The following TTC21B variants were observed in gnomAD, a reference collection of about 807,000 sequenced individuals.
TTC21B encodes the protein tetratricopeptide repeat protein 21B.
A neutral mutation model predicts 175.1 loss-of-function variants in TTC21B; 127 were observed. The ratio of observed to expected loss-of-function variants is 0.73; its 90% CI spans 0.63 to 0.84. TTC21B has a LOEUF of 0.84. Ranked by LOEUF, TTC21B falls within the 40% of genes least tolerant of loss-of-function variation. The pLI, the probability that TTC21B is intolerant of heterozygous loss-of-function variation, is 0.00. For synonymous variants in TTC21B, 524 were observed against 524.5 expected, an observed-to-expected ratio of 1.00 and a Z score of 0.01; for missense variants, 1,561 against 1,558.3, an observed-to-expected ratio of 1.00 and a Z score of -0.03.
chr2:165,903,744 A>G (rs572218712), intron 19 of TTC21B, among the ~76,000 whole-genome samples: 4 of 152,358 alleles, frequency 2.6e-5, no homozygotes, highest in Non-Finnish European at 5.9e-5. Context: ...AATGTTTAGC[A>G]ACTTTGCAAA....
Position 165,874,807 on chromosome 2 carries a change from G to T in TTC21B, c.3899C>A (p.Pro1300Gln). The change falls in exon 29 of 29, where the codon CCA (proline) becomes CAA (glutamine). Residue 1300 changes from proline to glutamine, a missense_variant. By Grantham distance (76) the Pro-to-Gln change is moderately conservative. Coordinates refer to ENST00000243344, the MANE Select transcript of TTC21B (RefSeq NM_024753.5). ...ATCAAGTATATCCTTTCTGATTTTT[G>T]GATAAGTTGGATGTGCTTCAAGAAC... ...HQVLEAHPTY[P>Q]KIRKDILDKA... is the part of the protein sequence containing the mutation. 6.2e-7 allele frequency: 1 copy of T among 1,613,652 alleles called. No individual in the cohort carries two copies. The highest frequency in any genetic ancestry group is 2.2e-5 in the East Asian group (1 of 44,772).
At chr2:165,896,742 C>A (rs1350673522) in intron 22 of TTC21B, among the ~76,000 whole-genome samples, 3 of 152,194 alleles carry the variant, frequency 2.0e-5, no homozygotes, top group South Asian at 2.1e-4. Context: ...TTGGCTTGGG[C>A]TTTTGCCTAC....
At chr2:165,936,372 A>C (rs562854777) in intron 6 of TTC21B, among the ~76,000 whole-genome samples, 1 of 152,138 alleles carries the variant, frequency 6.6e-6, no homozygotes, top group Non-Finnish European at 1.5e-5. Context: ...AAGATAATAC[A>C]GGAGAAAATC....
At chr2:165,926,872 C>T (rs972628434) in intron 11 of TTC21B, among the ~76,000 whole-genome samples, 2 of 150,998 alleles carry the variant, frequency 1.3e-5, no homozygotes, top group East Asian at 2.0e-4. Flanking sequence ...CTTTGGGACT[C>T]GGACTGGCTT....
rs191964864 is a variant in TTC21B, at chr2:165,935,721, C to T, written c.711-2664G>A. Among the ~76,000 whole-genome samples the T allele has an allele frequency of 5.3e-4, 80 of 152,172 alleles. 1 individual carries two copies. The highest frequency in any genetic ancestry group is 1.7e-3 in the African/African-American group (70 of 41,536). ...ACACAATAACATTTACATTAGCACT[C>T]CTTAAAGTAAAATACTTAGGTACAT... On this transcript the variant is annotated intron_variant, in intron 6 of 28. Transcript: ENST00000243344.
At chr2:165,917,167 C>T (rs1048262965) in intron 14 of TTC21B, 90 bp downstream of exon 14, 1 of 1,268,936 alleles carries the variant, frequency 7.9e-7, no homozygotes, top group African/African-American at 1.5e-5. Context: ...GTGTGAGCCA[C>T]CATGCCTGGG....
At chr2:165,901,454 G>C (rs1685555582) in intron 20 of TTC21B, among the ~76,000 whole-genome samples, 1 of 151,988 alleles carries the variant, frequency 6.6e-6, no homozygotes, top group African/African-American at 2.4e-5. Context: ...CCAAGTAGCT[G>C]GGATTACAGG....
At chr2:165,891,171 A>G (rs1574071762) in intron 22 of TTC21B, among the ~76,000 whole-genome samples, 183 bp from the exon 23 acceptor site, 1 of 152,208 alleles carries the variant, frequency 6.6e-6, no homozygotes, top group South Asian at 2.1e-4. Context: ...TCTACTAAAT[A>G]ATACAGTTTG....
intron 14 of TTC21B, among the ~76,000 whole-genome samples, chr2:165,915,743 A>G (rs1686145658): frequency 6.6e-6 from 1 of 152,180 alleles, no homozygotes. Context: ...TTGAATAATG[A>G]AGAGCTGTAC....
chr2:165,881,541 TC>T (rs1168759976), intron 26 of TTC21B, among the ~76,000 whole-genome samples: 1 of 152,174 alleles, frequency 6.6e-6, no homozygotes, highest in Non-Finnish European at 1.5e-5. Context: ...AGAATATTTA[TC>T]CCCGAGTTTC....
chr2:165,889,373 A>T (rs1167089195), intron 24 of TTC21B, among the ~76,000 whole-genome samples: 1 of 152,114 alleles, frequency 6.6e-6, no homozygotes, highest in Non-Finnish European at 1.5e-5. Flanking sequence ...AATGTTAGCA[A>T]GCTTAACATT....
At chr2:165,926,401 A>T (rs1239947141) in intron 11 of TTC21B, among the ~76,000 whole-genome samples, 1 of 152,166 alleles carries the variant, frequency 6.6e-6, no homozygotes, top group African/African-American at 2.4e-5. Flanking sequence ...CAAAGGAGTT[A>T]TAAGAACTGC....
At chr2:165,927,447 G>A (rs1686722180) in intron 11 of TTC21B, among the ~76,000 whole-genome samples, 2 of 144,692 alleles carry the variant, frequency 1.4e-5, no homozygotes, top group Middle Eastern at 7.3e-3. Context: ...ATCTAAAATC[G>A]CCATCACCCA....
At chr2:165,887,317 T>G (rs1380524078) in intron 25 of TTC21B, among the ~76,000 whole-genome samples, 1 of 152,202 alleles carries the variant, frequency 6.6e-6, no homozygotes, top group Non-Finnish European at 1.5e-5. Flanking sequence ...ATGAGTATGC[T>G]TAGAAGTAAC....
chr2:165,917,881 TA>T (rs375640735), intron 13 of TTC21B, among the ~76,000 whole-genome samples: 86 of 152,362 alleles, frequency 5.6e-4, no homozygotes, highest in African/African-American at 2.0e-3. Context: ...TTTATTTTTT[TA>T]ATTTGAAGAT....
rs777852639 is a variant in TTC21B, at chr2:165,912,562, C to A, written c.2274G>T (p.Leu758Phe). The A allele has an allele frequency of 2.5e-6, 4 of 1,614,034 alleles. No homozygotes were observed. ...ALNQNPKDGTLASKMGKALIK... is the reference protein window; with the variant it reads ...ALNQNPKDGTFASKMGKALIK... ...TAAGTGCTTTGCCCATTTTGCTTGCCAATGTTCCATCTTTCGGGTTCTGAT... is the reference window on the plus strand; with the variant it reads ...TAAGTGCTTTGCCCATTTTGCTTGCAAATGTTCCATCTTTCGGGTTCTGAT... The change falls in exon 17 of 29, where the codon TTG (leucine) becomes TTT (phenylalanine). Residue 758 changes from leucine (L) to phenylalanine (F), a missense_variant. Physicochemically the swap from Leu to Phe is conservative, Grantham distance 22. Coordinates refer to ENST00000243344, the MANE Select transcript of TTC21B (RefSeq NM_024753.5).
chr2:165,881,103 A>G (rs925267529), intron 26 of TTC21B, among the ~76,000 whole-genome samples: 1 of 152,164 alleles, frequency 6.6e-6, no homozygotes, highest in African/African-American at 2.4e-5. Context: ...ATACAAATAC[A>G]GAGATAAGAG....
chr2:165,924,146 T>A (rs2105335358), intron 12 of TTC21B, among the ~76,000 whole-genome samples: 1 of 152,290 alleles, frequency 6.6e-6, no homozygotes, highest in Middle Eastern at 3.4e-3. Context: ...AAGCTATCCA[T>A]AACAATTCAC....
chr2:165,920,289 C>T (rs1686338444), intron 12 of TTC21B, among the ~76,000 whole-genome samples: 2 of 152,198 alleles, frequency 1.3e-5, no homozygotes, highest in Admixed American at 1.3e-4. Flanking sequence ...CTCAAACTCA[C>T]CTGATGCCTC....
Sources: gnomAD v4.1 joint callset for allele counts (sites outside exome capture counted in the v4.1 genomes callset) on GRCh38, gnomAD v4.1.1 for gene constraint, MANE v1.5 for transcripts, NCBI Gene and HGNC (gene_info 2026-07-23, HGNC 2026-07-21) for gene names.